The following TMED8 variants were observed in gnomAD, a reference collection of about 807,000 sequenced individuals.
TMED8 encodes the protein transmembrane p24 trafficking protein family member 8.
A neutral mutation model predicts 32.7 loss-of-function variants in TMED8; 15 were observed. That is an observed-to-expected ratio of 0.46 (90% CI 0.31 to 0.71). The LOEUF (loss-of-function observed/expected upper bound fraction) is 0.71. Ranked by LOEUF, TMED8 falls within the 30% of genes least tolerant of loss-of-function variation. The pLI, the probability that TMED8 is intolerant of heterozygous loss-of-function variation, is 0.06. For missense variants in TMED8, 390 were observed against 423.9 expected (o/e 0.92, Z 0.70); for synonymous variants, 147 against 161.4 (o/e 0.91, Z 0.68).
In TMED8 at chr14:77,336,010, A is replaced by G. The variant is rs1892751781; in HGVS notation, c.*5761T>C. 1 of 152,206 alleles carries G rather than the reference A, an allele frequency of 6.6e-6. No homozygotes were observed. The highest frequency in any genetic ancestry group is 1.5e-5 in the Non-Finnish European group (1 of 68,032). 9.4% of individuals were successfully genotyped at this position (152,206 alleles called of 1,614,324 possible). ...CAATCAATAGCAAGGAACATTACAC[A>G]TTCAACCCTGAGTGATGAAGAGAGT... On this transcript the variant is annotated 3_prime_UTR_variant, in exon 6 of 6. Coordinates refer to ENST00000216468, the MANE Select transcript of TMED8 (RefSeq NM_213601.3).
chr14:77,371,031 C>T (rs1893667592), intron 1 of TMED8, among the ~76,000 whole-genome samples: 1 of 152,038 alleles, frequency 6.6e-6, no homozygotes, highest in Non-Finnish European at 1.5e-5. Context: ...AAAGACCTTT[C>T]CATAACTGCA....
intron 2 of TMED8, among the ~76,000 whole-genome samples, chr14:77,350,459 A>G (rs1034332005): frequency 6.6e-6 from 1 of 152,232 alleles, no homozygotes; most frequent in Non-Finnish European, 1.5e-5. Context: ...TTGTTGAATA[A>G]AAAATGAATA....
chr14:77,375,881 C>T (rs762407331), intron 1 of TMED8, among the ~76,000 whole-genome samples: 1 of 152,174 alleles, frequency 6.6e-6, no homozygotes, highest in Non-Finnish European at 1.5e-5. Context: ...TCAAGTAATC[C>T]TCACAATAAT....
Position 77,335,169 on chromosome 14 carries a change from A to G in TMED8, c.*6602T>C, listed in dbSNP as rs1239027764. The G allele has an allele frequency of 2.6e-5, 4 of 152,186 alleles. 1 individual carries two copies. Among genetic ancestry groups the G allele is most frequent in the Admixed American group, 6.5e-5 (1 of 15,276 alleles). The allele number at this position is 152,186 out of a possible 1,614,324, so 9.4% of individuals were successfully genotyped here. On this transcript the variant is annotated 3_prime_UTR_variant, in exon 6 of 6. Transcript: ENST00000216468. ...TGAAGAAGCACAGCTCAGAATCATC[A>G]GTGTAATCGCAGTAACACACCCAGT...
chr14:77,357,207 T>C (rs1453668622), intron 1 of TMED8, among the ~76,000 whole-genome samples: 1 of 152,168 alleles, frequency 6.6e-6, no homozygotes, highest in African/African-American at 2.4e-5. Flanking sequence ...TGCAAGAATA[T>C]TCCAGAAGTA....
chr14:77,352,901 C>T (rs1375251248), intron 1 of TMED8, among the ~76,000 whole-genome samples: 1 of 151,978 alleles, frequency 6.6e-6, no homozygotes, highest in Non-Finnish European at 1.5e-5. Context: ...TCAATGTACC[C>T]AAGGTCAGGT....
chr14:77,376,971 C>A lies in TMED8; in HGVS notation c.83G>T (p.Cys28Phe). 1.4e-6 allele frequency: 2 copies of A among 1,453,846 alleles called. No homozygotes were observed. Among genetic ancestry groups the A allele is most frequent in the Non-Finnish European group, 1.8e-6 (2 of 1,111,654 alleles). 90.1% of individuals were successfully genotyped at this position (1,453,846 alleles called of 1,614,324 possible). The change falls in exon 1 of 6, where the codon TGC (cysteine) becomes TTC (phenylalanine). Residue 28 changes from cysteine (C) to phenylalanine (F), a missense_variant. By Grantham distance (205) the Cys-to-Phe change is radical. Coordinates refer to ENST00000216468, the MANE Select transcript of TMED8 (RefSeq NM_213601.3). This position sits in a 1 kb window ranked among gnomAD's most constrained non-coding sequence, Gnocchi z 4.0. ...CGCCTGGCTCCCCTCCACTCCCTGG[C>A]AGTCCCCGACGCCGCCAGCCGACCC... ...RPGSAGGVGD[C>F]QGVEGSQAAA...
At chr14:77,351,851 T>C (rs1196097921) in intron 1 of TMED8, 100 bp from the exon 2 acceptor site, 2 of 931,100 alleles carry the variant, frequency 2.1e-6, no homozygotes, top group African/African-American at 3.3e-5. Flanking sequence ...ACCAAATTCT[T>C]CCCAAAAATA....
intron 1 of TMED8, chr14:77,359,582 T>C (rs1331889964): frequency 4.8e-6 from 2 of 412,642 alleles, no homozygotes; most frequent in Non-Finnish European, 9.6e-6. Flanking sequence ...AACTGAAGAG[T>C]GGCTTTCTAC....
intron 4 of TMED8, 81 bp from the exon 5 acceptor site, chr14:77,343,564 C>T: frequency 6.3e-7 from 1 of 1,579,482 alleles, no homozygotes. Flanking sequence ...GAGGCTGGCA[C>T]AGTCAGACAT....
At chr14:77,369,638 A>G (rs1038391452) in intron 1 of TMED8, among the ~76,000 whole-genome samples, 1 of 152,176 alleles carries the variant, frequency 6.6e-6, no homozygotes, top group Non-Finnish European at 1.5e-5. Context: ...AAGAGCCCCA[A>G]AATAGACTCT....
chr14:77,344,493 C>T (rs1379472064), intron 3 of TMED8, among the ~76,000 whole-genome samples: 1 of 152,238 alleles, frequency 6.6e-6, no homozygotes, highest in African/African-American at 2.4e-5. Context: ...GTCTGACTTA[C>T]ATGGAAGAAT....
rs377469179 is a variant in TMED8 at position 77,341,966 on chromosome 14, C to T, written c.783G>A (p.Val261=). Reference sequence around the variant, plus strand: ...GCAAGGAGCTCCTGGAGCCTCTCTCCACATCTCCAGCTGGAACGGGTTCTG... The same window carrying T: ...GCAAGGAGCTCCTGGAGCCTCTCTCTACATCTCCAGCTGGAACGGGTTCTG... ...EIEEPVPAGD[V]ERGSRSSLRG... Residue 261 remains valine (V), a synonymous_variant, in exon 6 of 6, where the codon GTG becomes GTA. Transcript: ENST00000216468. The T allele has an allele frequency of 1.9e-6, 3 of 1,614,052 alleles. No homozygotes were observed. Among genetic ancestry groups the T allele is most frequent in the South Asian group, 2.2e-5 (2 of 91,064 alleles).
chr14:77,355,233 T>C (rs1252499425), intron 1 of TMED8, among the ~76,000 whole-genome samples: 1 of 151,370 alleles, frequency 6.6e-6, no homozygotes, highest in Non-Finnish European at 1.5e-5. Context: ...TCTTGCTCTG[T>C]TGCCCAGGCT....
In TMED8 at chr14:77,343,785, G is replaced by C; in HGVS notation, c.366C>G (p.Ile122Met). The C allele has an allele frequency of 6.2e-7, 1 of 1,614,086 alleles. No individual in the cohort carries two copies. The highest frequency in any genetic ancestry group is 8.5e-7 in the Non-Finnish European group (1 of 1,180,008). The part of the protein sequence containing the change: ...KYQVPQRSGD[I>M]VMIQSEHTGA... ...CTGTATGTTCAGACTGGATCATAAC[G>C]ATGTCCCCAGACCTCTGTGGAACTT... Residue 122 changes from isoleucine to methionine, a missense_variant, in exon 4 of 6, where the codon ATC (isoleucine) becomes ATG (methionine). By Grantham distance (10) the Ile-to-Met change is conservative (BLOSUM62 1). Coordinates refer to ENST00000216468, the MANE Select transcript of TMED8 (RefSeq NM_213601.3).
rs1271637501 is a variant in TMED8, at chr14:77,336,821, G to A, written c.*4950C>T. The stretch of plus-strand genomic sequence containing the variant: ...CACCTTAGAACCACTGGGGTTAAAA[G>A]GCAACCTTCTGCAGATAAGTGGTCT... On this transcript the variant is annotated 3_prime_UTR_variant, in exon 6 of 6. Transcript: ENST00000216468. The A allele has an allele frequency of 6.6e-6, 1 of 152,122 alleles. No individual in the cohort carries two copies. 9.4% of individuals were successfully genotyped at this position (152,122 alleles called of 1,614,324 possible). A position where few individuals can be genotyped will look rare whatever the true frequency, so the allele number is the denominator to read the frequency against.
chr14:77,360,742 T>G (rs1415192167), intron 1 of TMED8, among the ~76,000 whole-genome samples: 1 of 152,148 alleles, frequency 6.6e-6, no homozygotes, highest in African/African-American at 2.4e-5. Context: ...TAGTTCTACT[T>G]TTATTTAGGA....
rs1294265154 is a variant in TMED8 at position 77,343,289 on chromosome 14, A to G, written c.649T>C (p.Phe217Leu). The G allele has an allele frequency of 3.1e-6, 5 of 1,614,148 alleles. No individual in the cohort carries two copies. The highest frequency in any genetic ancestry group is 4.2e-6 in the Non-Finnish European group (5 of 1,180,014). The change falls in exon 5 of 6, where the codon TTT (phenylalanine) becomes CTT (leucine). Residue 217 changes from phenylalanine to leucine, a missense_variant. Coordinates refer to ENST00000216468, the MANE Select transcript of TMED8 (RefSeq NM_213601.3). Reference sequence around the variant, plus strand: ...GGGGTCCAGTCAAAATAAACTCCAAAGCCAATGTCATAGTCATCGGTCGCA... The same window carrying G: ...GGGGTCCAGTCAAAATAAACTCCAAGGCCAATGTCATAGTCATCGGTCGCA... Reference protein sequence around the residue: ...EFATDDYDIGFGVYFDWTPVT... With the variant: ...EFATDDYDIGLGVYFDWTPVT...
At chr14:77,359,671 TAC>T (rs1566690661) in intron 1 of TMED8, 1 of 319,618 alleles carries the variant, frequency 3.1e-6, no homozygotes, top group African/African-American at 2.3e-5. Context: ...GCCATTCTGG[TAC>T]ACACAGGTGG....
Sources: gnomAD v4.1 joint callset for allele counts (sites outside exome capture counted in the v4.1 genomes callset) on GRCh38, gnomAD v4.1.1 for gene constraint, Gnocchi (gnomAD v3.1) non-coding constraint, MANE v1.5 for transcripts, NCBI Gene and HGNC (gene_info 2026-07-23, HGNC 2026-07-21) for gene names.